The following CPSF3 variants were observed in gnomAD, a reference collection of about 807,000 sequenced individuals.
The protein encoded by CPSF3 is cleavage and polyadenylation specificity factor subunit 3.
A neutral mutation model predicts 84.1 loss-of-function variants in CPSF3; 57 were observed. That is an observed-to-expected ratio of 0.68 (90% CI 0.55 to 0.85). CPSF3 has a LOEUF of 0.85. Ranked by LOEUF, CPSF3 falls within the 40% of genes least tolerant of loss-of-function variation. The pLI is 0.00. For synonymous variants in CPSF3, 275 were observed against 278.1 expected, an observed-to-expected ratio of 0.99 and a Z score of 0.11; for missense variants, 522 against 838.8, an observed-to-expected ratio of 0.62 and a Z score of 4.66.
At chr2:9,444,164 T>A (rs1296077598) in intron 10 of CPSF3, among the ~76,000 whole-genome samples, 110 of 104,260 alleles carry the variant, frequency 1.1e-3, no homozygotes, top group African/African-American at 2.4e-3. Flanking sequence ...ATATATTTTT[T>A]TTTTTTTTGA....
At chr2:9,458,784 G>A (rs1339904942) in intron 14 of CPSF3, among the ~76,000 whole-genome samples, 3 of 152,004 alleles carry the variant, frequency 2.0e-5, no homozygotes, top group African/African-American at 7.3e-5. Flanking sequence ...GGGATCTGAG[G>A]CTTAGTGTGA....
intron 15 of CPSF3, among the ~76,000 whole-genome samples, 188 bp downstream of exon 15, chr2:9,459,806 C>T (rs1681674014): frequency 6.6e-6 from 1 of 151,740 alleles, no homozygotes; most frequent in Non-Finnish European, 1.5e-5. Flanking sequence ...CCTGCCACCA[C>T]ACCCAGCTAA....
In CPSF3 at chr2:9,423,763, A is replaced by C. The variant is rs1169197676; in HGVS notation, c.-11A>C. On this transcript the variant is annotated 5_prime_UTR_variant, in exon 1 of 18. Coordinates refer to ENST00000238112, the MANE Select transcript of CPSF3 (RefSeq NM_016207.4). ...TGTTCCTCACCCCCGCTTCGCCCTC[A>C]CACTTTCGGGATGTCTGCGATTCCT... is the stretch of plus-strand genomic sequence containing the variant. 1.9e-6 allele frequency: 3 copies of C among 1,612,862 alleles called. No individual in the cohort carries two copies. Among genetic ancestry groups the C allele is most frequent in the Admixed American group, 1.7e-5 (1 of 59,896 alleles).
intron 11 of CPSF3, among the ~76,000 whole-genome samples, chr2:9,450,487 G>T (rs748816798): frequency 6.6e-6 from 1 of 151,776 alleles, no homozygotes; most frequent in African/African-American, 2.4e-5. Context: ...TTAGTTGAAG[G>T]TTTAAGTATC....
chr2:9,470,200 C>A (rs1279535145), intron 16 of CPSF3, among the ~76,000 whole-genome samples: 1 of 152,164 alleles, frequency 6.6e-6, no homozygotes, highest in African/African-American at 2.4e-5. Context: ...CCAGCCTGGG[C>A]AACAAGCAAG....
intron 7 of CPSF3, among the ~76,000 whole-genome samples, chr2:9,437,572 T>C (rs925993362): frequency 1.3e-5 from 2 of 152,274 alleles, no homozygotes; most frequent in Non-Finnish European, 2.9e-5. Flanking sequence ...TCAGTGAGCA[T>C]GTATAATTTT....
At chr2:9,454,823 C>A (rs570984523) in intron 12 of CPSF3, among the ~76,000 whole-genome samples, 2 of 152,104 alleles carry the variant, frequency 1.3e-5, no homozygotes, top group South Asian at 4.2e-4. Context: ...GGATTACAGG[C>A]GTGAGCCACT....
intron 7 of CPSF3, among the ~76,000 whole-genome samples, chr2:9,440,016 CT>C (rs146776505): frequency 0.017 from 2,528 of 151,462 alleles, 66 homozygotes; most frequent in African/African-American, 0.058. Flanking sequence ...TATGACTATA[CT>C]TTTTTTTTAA....
chr2:9,469,499 G>T (rs1306301845), intron 16 of CPSF3, among the ~76,000 whole-genome samples: 1 of 152,132 alleles, frequency 6.6e-6, no homozygotes, highest in African/African-American at 2.4e-5. Context: ...TGCTGCAGTC[G>T]GGGTGCAGAA....
At chr2:9,443,810 C>A (rs909984496) in intron 10 of CPSF3, 149 bp downstream of exon 10, 1 of 767,470 alleles carries the variant, frequency 1.3e-6, no homozygotes, top group Non-Finnish European at 2.1e-6. Context: ...CGGATTTGGC[C>A]TTTACAACTC....
intron 2 of CPSF3, 34 bp from the exon 3 acceptor site, chr2:9,429,886 TGCA>T: frequency 7.4e-7 from 1 of 1,352,054 alleles, no homozygotes; most frequent in East Asian, 2.4e-5. Flanking sequence ...TAATAAAATG[TGCA>T]GGAGATTGTG....
chr2:9,454,991 G>C (rs1210221327), intron 12 of CPSF3, among the ~76,000 whole-genome samples: 1 of 152,190 alleles, frequency 6.6e-6, no homozygotes, highest in African/African-American at 2.4e-5. Flanking sequence ...CACCTCAGGA[G>C]CTGGAAAAAG....
Position 9,455,743 on chromosome 2 carries a change from T to A in CPSF3, c.1589T>A (p.Leu530Gln). The A allele has an allele frequency of 6.2e-7, 1 of 1,613,024 alleles. No individual in the cohort carries two copies. The highest frequency in any genetic ancestry group is 1.7e-5 in the Admixed American group (1 of 59,968). ...TGPFNLLCYQLQKLTGDVEEL... is the reference protein window; with the variant it reads ...TGPFNLLCYQQQKLTGDVEEL... ...CCCTTTAATTTGCTCTGTTACCAGC[T>A]GCAGAAATTGACAGGTGTGTGTGTG... The change falls in exon 13 of 18, where the codon CTG (leucine) becomes CAG (glutamine). Residue 530 changes from leucine to glutamine, a missense_variant. Physicochemically the swap from Leu to Gln is moderately radical, Grantham distance 113 (BLOSUM62 -2). This residue lies in a region of CPSF3 where 193 missense variants were observed against 231.6 expected (regional missense o/e 0.83). Transcript: ENST00000238112.
intron 15 of CPSF3, among the ~76,000 whole-genome samples, chr2:9,466,348 GC>G (rs1681963992): frequency 8.9e-6 from 1 of 112,448 alleles, no homozygotes; most frequent in African/African-American, 3.4e-5. Context: ...ACACGCGCGC[GC>G]GCGCACACAC....
At chr2:9,447,263 T>G (rs1397618309) in intron 10 of CPSF3, among the ~76,000 whole-genome samples, 1 of 152,182 alleles carries the variant, frequency 6.6e-6, no homozygotes, top group African/African-American at 2.4e-5. Context: ...GCAGATCACT[T>G]GAGCCCAGGA....
At chr2:9,453,064 C>A in intron 12 of CPSF3, 43 bp downstream of exon 12, 2 of 1,202,906 alleles carry the variant, frequency 1.7e-6, no homozygotes, top group Non-Finnish European at 2.4e-6. Flanking sequence ...CACCTTAGCA[C>A]TGAAAGAAAA....
At chr2:9,470,317 T>C (rs1247546253) in intron 16 of CPSF3, among the ~76,000 whole-genome samples, 2 of 152,244 alleles carry the variant, frequency 1.3e-5, no homozygotes, top group East Asian at 3.8e-4. Context: ...TGCCTGAAGA[T>C]GCAAGGAGTT....
At chr2:9,432,949 T>A (rs191086025) in intron 5 of CPSF3, among the ~76,000 whole-genome samples, 13 of 152,318 alleles carry the variant, frequency 8.5e-5, no homozygotes, top group Non-Finnish European at 4.4e-5. Flanking sequence ...AAAAAGTGAT[T>A]CCCTGACACC....
At chr2:9,441,460 AT>A (rs1558454536) in intron 8 of CPSF3, among the ~76,000 whole-genome samples, 1 of 152,152 alleles carries the variant, frequency 6.6e-6, no homozygotes, top group Admixed American at 6.5e-5. Context: ...CTTTGGGAAT[AT>A]TTTTTCAGAG....
Sources: allele counts gnomAD v4.1 joint callset (sites outside exome capture counted in the v4.1 genomes callset), GRCh38; gene constraint gnomAD v4.1.1; regional missense constraint gnomAD v4.1.1; transcripts MANE v1.5; gene names NCBI Gene and HGNC (gene_info 2026-07-23, HGNC 2026-07-21).